The following SEC13 variants were observed in gnomAD, a reference collection of about 807,000 sequenced individuals.
SEC13 encodes the protein SEC13 homolog, nuclear pore and COPII component.
SEC13 carries 25 observed loss-of-function variants against 49.2 expected under a neutral mutation model. The observed-to-expected ratio is 0.51, with a 90% CI of 0.37 to 0.71. SEC13 has a LOEUF of 0.71. Ranked by LOEUF, SEC13 falls within the 30% of genes least tolerant of loss-of-function variation. The pLI, the probability that SEC13 is intolerant of heterozygous loss-of-function variation, is 0.00. For synonymous variants in SEC13, 148 were observed against 163.9 expected (o/e 0.90, Z 0.74); for missense variants, 383 against 417.6 (o/e 0.92, Z 0.72).
chr3:10,312,588 C>CG lies in SEC13; in HGVS notation c.306dup (p.Asp103ArgfsTer13). ...GCCAAGCTCAGCATACCTGAGGAGT[C>CG]GTGTCCCGCATGCTCGTGGCTCTTC... On this transcript the variant is annotated frameshift_variant, in exon 4 of 9. Coordinates refer to ENST00000350697, the MANE Select transcript of SEC13 (RefSeq NM_183352.3). LOFTEE classifies it high-confidence loss of function. The CG allele has an allele frequency of 6.2e-7, 1 of 1,614,136 alleles. No homozygotes were observed. The highest frequency in any genetic ancestry group is 8.5e-7 in the Non-Finnish European group (1 of 1,179,990).
At chr3:10,303,039 T>C (rs777903407) in intron 8 of SEC13, among the ~76,000 whole-genome samples, 8 of 151,946 alleles carry the variant, frequency 5.3e-5, no homozygotes, top group Non-Finnish European at 1.0e-4. Context: ...GGAGGGGCAA[T>C]GGGGAAGGGA....
At chr3:10,310,212 C>T (rs757997726) in intron 5 of SEC13, among the ~76,000 whole-genome samples, 5 of 152,106 alleles carry the variant, frequency 3.3e-5, no homozygotes, top group African/African-American at 4.8e-5. Context: ...CAATAAGGGC[C>T]GGGTGTGGTG....
At chr3:10,307,180 A>T (rs1455778648) in intron 5 of SEC13, among the ~76,000 whole-genome samples, 1 of 151,012 alleles carries the variant, frequency 6.6e-6, no homozygotes, top group East Asian at 2.0e-4. Context: ...TCAGACTCCC[A>T]AAGTACTGGG....
chr3:10,301,637 C>T (rs191285264), intron 8 of SEC13, among the ~76,000 whole-genome samples: 15 of 152,128 alleles, frequency 9.9e-5, no homozygotes, highest in East Asian at 3.9e-4. Context: ...AGAGCTACAG[C>T]GAGAGGATAT....
chr3:10,308,716 G>T (rs1701042701), intron 5 of SEC13, among the ~76,000 whole-genome samples: 1 of 150,136 alleles, frequency 6.7e-6, no homozygotes, highest in African/African-American at 2.5e-5. Flanking sequence ...CTTTTCTCTA[G>T]AACCCCCCAA....
chr3:10,319,045 A>T (rs1198364099), intron 1 of SEC13: 1 of 1,150,306 alleles, frequency 8.7e-7, no homozygotes, highest in African/African-American at 1.6e-5. Context: ...AAAAGCTGTT[A>T]TTTTTTTTCT....
chr3:10,306,136 A>G (rs1478126140), intron 5 of SEC13, among the ~76,000 whole-genome samples: 5 of 152,080 alleles, frequency 3.3e-5, no homozygotes, highest in African/African-American at 1.2e-4. Flanking sequence ...CCCCCATTTT[A>G]TCACCCAAAT....
rs1700778173 is a variant in SEC13 at position 10,305,013 on chromosome 3, A to G, written c.708+20T>C. 6.2e-7 allele frequency: 1 copy of G among 1,613,752 alleles called. No homozygotes were observed. ...GACTCGAGACTAAATGACAAGGGAT[A>G]CTCATGGCCCTGGGCTGACCTGGGA... On this transcript the variant is annotated intron_variant, in intron 7 of 8. Coordinates refer to ENST00000350697, the MANE Select transcript of SEC13 (RefSeq NM_183352.3).
Position 10,301,162 on chromosome 3 carries a change from C to T in SEC13, c.*99G>A. ...TGTAACTCCTCCTGGGAAAATAATC[C>T]TGTTGGAGTTGGGGGCTCTTCCCAG... On this transcript the variant is annotated 3_prime_UTR_variant, in exon 9 of 9. Transcript: ENST00000350697. 1 of 1,613,918 alleles carries T rather than the reference C, an allele frequency of 6.2e-7. No individual in the cohort carries two copies.
chr3:10,306,483 G>A (rs939495394), intron 5 of SEC13, among the ~76,000 whole-genome samples: 1 of 152,034 alleles, frequency 6.6e-6, no homozygotes, highest in African/African-American at 2.4e-5. Context: ...TAATTCACTG[G>A]GGCTTGTAAA....
intron 6 of SEC13, 195 bp downstream of exon 6, chr3:10,305,364 C>T: frequency 9.5e-7 from 1 of 1,049,580 alleles, no homozygotes; most frequent in Non-Finnish European, 1.4e-6. Flanking sequence ...GAGTCAGCTC[C>T]AACAGTTGGG....
chr3:10,307,554 C>A (rs1006401095), intron 5 of SEC13, among the ~76,000 whole-genome samples: 1 of 152,168 alleles, frequency 6.6e-6, no homozygotes, highest in Non-Finnish European at 1.5e-5. Flanking sequence ...TGACATCTCA[C>A]ATGGATGGCA....
At chr3:10,313,165 T>C (rs1324263324) in intron 3 of SEC13, 1 of 232,360 alleles carries the variant, frequency 4.3e-6, no homozygotes, top group Non-Finnish European at 9.0e-6. Context: ...ATTGGTTTCA[T>C]TTTGATGTTT....
chr3:10,311,950 AG>A lies in SEC13; in HGVS notation c.450+14del, dbSNP rs1701290564. 6.2e-7 allele frequency: 1 copy of A among 1,614,188 alleles called. No homozygotes were observed. The highest frequency in any genetic ancestry group is 8.5e-7 in the Non-Finnish European group (1 of 1,179,994). ...CAGGCGCTCTCACTGCACGAAAGGC[AG>A]GGGATGGACTCACGGTGTGAGCGTT... On this transcript the variant is annotated intron_variant, in intron 5 of 8. Transcript: ENST00000350697.
chr3:10,304,909 C>T, intron 7 of SEC13, 124 bp downstream of exon 7: 1 of 1,448,402 alleles, frequency 6.9e-7, no homozygotes. Context: ...TCCCTGTGCT[C>T]TGGGCCAAAG....
chr3:10,312,893 A>C, intron 3 of SEC13, 163 bp from the exon 4 acceptor site: 1 of 652,768 alleles, frequency 1.5e-6, no homozygotes, highest in Non-Finnish European at 2.6e-6. Flanking sequence ...CTCAGTGGAC[A>C]GTGAGGAGCC....
rs1209449505 is a variant in SEC13, at chr3:10,305,057, G to C, written c.684C>G (p.Thr228=). 2 of 1,614,028 alleles carry C rather than the reference G, an allele frequency of 1.2e-6. No homozygotes were observed. The highest frequency in any genetic ancestry group is 3.3e-5 in the Admixed American group (2 of 60,010). ...CCTGGGAGCAGCTGGCGATGGTGCT[G>C]GTGGGCAGGCCGATGGAGGGGGCCC... is the stretch of plus-strand genomic sequence containing the variant. ...VAWAPSIGLP[T]STIASCSQDG... is the part of the protein sequence containing the mutation. Residue 228 remains threonine (T), a synonymous_variant, in exon 7 of 9, where the codon ACC becomes ACG. Transcript: ENST00000350697.
At chr3:10,305,800 T>C (rs1444120258) in intron 5 of SEC13, 108 bp from the exon 6 acceptor site, 3 of 1,245,106 alleles carry the variant, frequency 2.4e-6, no homozygotes, top group Non-Finnish European at 3.4e-6. Context: ...GGAGTGTGTG[T>C]GAAGGCTGAC....
At chr3:10,319,270 G>T (rs1553638895) in intron 1 of SEC13, 7 of 1,609,110 alleles carry the variant, frequency 4.4e-6, no homozygotes, top group Non-Finnish European at 5.9e-6. Context: ...GTAAGCACAG[G>T]TTCTCTCATC....
Sources: allele counts gnomAD v4.1 joint callset (sites outside exome capture counted in the v4.1 genomes callset), GRCh38; gene constraint gnomAD v4.1.1; transcripts MANE v1.5; gene names NCBI Gene and HGNC (gene_info 2026-07-23, HGNC 2026-07-21).